Variants in SSUH2 observed in about 807,000 individuals in gnomAD.
The protein encoded by SSUH2 is ssu-2 homolog.
In SSUH2, 47 loss-of-function variants were observed where a neutral mutation model predicts 55.3. The ratio of observed to expected loss-of-function variants is 0.85; its 90% confidence interval spans 0.67 to 1.08. The LOEUF is 1.08. Among genes scored for constraint, SSUH2 ranks in the 50% least tolerant of loss-of-function variants. The pLI, the probability that SSUH2 is intolerant of heterozygous loss-of-function variation, is 0.00. For synonymous variants in SSUH2, 212 were observed against 191.5 expected (o/e 1.11, Z -0.89); for missense variants, 535 against 490.7 (o/e 1.09, Z -0.85).
At chr3:8,642,368 C>G (rs1700996200) in intron 1 of SSUH2, among the ~76,000 whole-genome samples, 1 of 152,208 alleles carries the variant, frequency 6.6e-6, no homozygotes, top group Non-Finnish European at 1.5e-5. Context: ...AAACAGGGAA[C>G]AGACATTCTG....
At chr3:8,637,628 G>A (rs1405654551) in intron 1 of SSUH2, among the ~76,000 whole-genome samples, 2 of 152,194 alleles carry the variant, frequency 1.3e-5, no homozygotes, top group African/African-American at 2.4e-5. Context: ...CCAGCCCACT[G>A]GGCCGCCCCT....
intron 7 of SSUH2, 63 bp downstream of exon 7, chr3:8,629,601 G>GAC: frequency 2.4e-6 from 2 of 818,864 alleles, no homozygotes; most frequent in Non-Finnish European, 3.7e-6. Flanking sequence ...CCAGCCCGCT[G>GAC]TCCCCAGGAT....
intron 6 of SSUH2, among the ~76,000 whole-genome samples, chr3:8,660,542 C>T (rs1703375135): frequency 6.6e-6 from 1 of 152,166 alleles, no homozygotes; most frequent in African/African-American, 2.4e-5. Context: ...CCAGACAACC[C>T]CCTGCCAGAG....
intron 6 of SSUH2, among the ~76,000 whole-genome samples, chr3:8,660,236 A>G (rs535030028): frequency 6.6e-6 from 1 of 152,270 alleles, no homozygotes; most frequent in Non-Finnish European, 1.5e-5. Context: ...GAAATCCATA[A>G]AGAGAGCGCT....
exon 4 of SSUH2, chr3:8,671,934 G>A (rs995002780): frequency 4.6e-5 from 7 of 151,902 alleles, no homozygotes; most frequent in Admixed American, 1.3e-4. Context: ...GCATGTTGAC[G>A]GGATTGTCAG....
intron 1 of SSUH2, among the ~76,000 whole-genome samples, chr3:8,641,347 C>T (rs969308258): frequency 6.6e-6 from 1 of 152,226 alleles, no homozygotes. Context: ...AAATACCTAA[C>T]CTGCTACGCA....
intron 1 of SSUH2, among the ~76,000 whole-genome samples, chr3:8,680,452 C>T (rs1360293913): frequency 6.6e-6 from 1 of 152,028 alleles, no homozygotes; most frequent in East Asian, 1.9e-4. Flanking sequence ...AGAGGGTATA[C>T]ACCTGTCTGT....
upstream of SSUH2, among the ~76,000 whole-genome samples, chr3:8,645,596 C>T (rs2125287359): frequency 6.6e-6 from 1 of 152,332 alleles, no homozygotes; most frequent in Admixed American, 6.5e-5. Flanking sequence ...GCAATCACTC[C>T]TCTGCAGCTG....
chr3:8,636,594 C>A (rs1368089302), intron 1 of SSUH2, among the ~76,000 whole-genome samples: 3 of 152,114 alleles, frequency 2.0e-5, no homozygotes, highest in African/African-American at 7.2e-5. Flanking sequence ...CTCCAGTGGA[C>A]AATCTTTGCT....
At chr3:8,654,267 A>C (rs1481013414) in intron 7 of SSUH2, among the ~76,000 whole-genome samples, 1 of 152,136 alleles carries the variant, frequency 6.6e-6, no homozygotes, top group African/African-American at 2.4e-5. Context: ...ATCTAAACCT[A>C]ATTACGTCCT....
intron 2 of SSUH2, among the ~76,000 whole-genome samples, chr3:8,679,171 C>A (rs533036520): frequency 8.0e-5 from 1 of 12,478 alleles, no homozygotes; most frequent in Non-Finnish European, 1.9e-4. Context: ...GAGGCAGCCG[C>A]TGTTCCCCCA....
intron 1 of SSUH2, among the ~76,000 whole-genome samples, chr3:8,680,443 G>C (rs1489434505): frequency 6.6e-6 from 1 of 152,044 alleles, no homozygotes; most frequent in African/African-American, 2.4e-5. Flanking sequence ...TCGGTGTACA[G>C]AGGGTATACA....
upstream of SSUH2, among the ~76,000 whole-genome samples, chr3:8,645,838 C>A (rs1026049054): frequency 2.0e-5 from 3 of 152,320 alleles, no homozygotes; most frequent in East Asian, 5.8e-4. Flanking sequence ...TCTTTATTCT[C>A]TCTACTGCCT....
At chr3:8,636,915 G>T (rs145163542) in intron 1 of SSUH2, among the ~76,000 whole-genome samples, 1 of 152,168 alleles carries the variant, frequency 6.6e-6, no homozygotes, top group Admixed American at 6.5e-5. Context: ...CCAGCAAGTG[G>T]TGGGTGGGGC....
chr3:8,623,628 C>T lies in SSUH2; in HGVS notation c.902G>A (p.Arg301Gln), dbSNP rs138830386. 14 of 1,541,186 alleles carry T rather than the reference C, an allele frequency of 9.1e-6. No homozygotes were observed. In the African/African-American group the frequency reaches 1.1e-4, roughly 12 times the overall value. ...CCTCTGGGAGGCAAGAGAGATGTCT[C>T]GCAGAGGGAAGTCCACGATGGGGTA... ...VVYPIVDFPL[R>Q]DISLASQRGI... Residue 301 changes from arginine to glutamine, a missense_variant, in exon 11 of 12, where the codon CGA (arginine) becomes CAA (glutamine). By Grantham distance (43) the Arg-to-Gln change is conservative. Transcript: ENST00000544814.
upstream of SSUH2, among the ~76,000 whole-genome samples, chr3:8,649,776 C>T (rs1575271300): frequency 6.6e-6 from 1 of 152,118 alleles, no homozygotes; most frequent in African/African-American, 2.4e-5. Context: ...CTGTTGCCCT[C>T]GCCCTGACAA....
At chr3:8,679,958 G>C (rs1332464559) in intron 1 of SSUH2, 1 of 152,144 alleles carries the variant, frequency 6.6e-6, no homozygotes, top group African/African-American at 2.4e-5. Flanking sequence ...GTCACAAAGG[G>C]GGCGGGGACC....
chr3:8,636,416 A>G (rs1207869271), intron 1 of SSUH2, among the ~76,000 whole-genome samples: 1 of 152,178 alleles, frequency 6.6e-6, no homozygotes, highest in Non-Finnish European at 1.5e-5. Context: ...CCTCCAAGCC[A>G]TATCAGCCAC....
At chr3:8,654,566 T>C (rs1702742773) in intron 7 of SSUH2, among the ~76,000 whole-genome samples, 1 of 152,232 alleles carries the variant, frequency 6.6e-6, no homozygotes, top group Non-Finnish European at 1.5e-5. Context: ...TGTGTGTGTG[T>C]TTCCATAGGG....
Sources: allele counts gnomAD v4.1 joint callset (sites outside exome capture counted in the v4.1 genomes callset), GRCh38; gene constraint gnomAD v4.1.1; transcripts MANE v1.5; gene names NCBI Gene and HGNC (gene_info 2026-07-23, HGNC 2026-07-21).